The following BLOC1S3 variants were observed in gnomAD, a reference collection of about 807,000 sequenced individuals.
BLOC1S3 encodes biogenesis of lysosomal organelles complex 1 subunit 3.
Under a neutral mutation model 9.1 loss-of-function variants are expected in BLOC1S3, and 7 were observed. The observed-to-expected ratio is 0.77, with a 90% CI of 0.44 to 1.45. BLOC1S3 has a LOEUF of 1.45. BLOC1S3 is among the 40% of genes most tolerant of loss of function. The probability of loss-of-function intolerance (pLI) is 0.01; values close to 1 mark genes in which losing one functional copy is unlikely to be tolerated. For missense variants in BLOC1S3, 307 were observed against 315.2 expected (o/e 0.97, Z 0.20); for synonymous variants, 145 against 158.4 (o/e 0.92, Z 0.64).
At chr19:45,193,318 G>A (rs1477779060) in intron 2 of BLOC1S3, among the ~76,000 whole-genome samples, 1 of 151,786 alleles carries the variant, frequency 6.6e-6, no homozygotes, top group Non-Finnish European at 1.5e-5. Context: ...ATTACTGGAG[G>A]CTTCTATTCA....
intron 2 of BLOC1S3, among the ~76,000 whole-genome samples, chr19:45,195,521 A>G (rs906338644): frequency 6.6e-6 from 1 of 151,832 alleles, no homozygotes; most frequent in Non-Finnish European, 1.5e-5. Flanking sequence ...ATGTATATTT[A>G]ATTTACATGG....
At chr19:45,208,554 A>G (rs1436256168) in intron 3 of BLOC1S3, among the ~76,000 whole-genome samples, 1 of 152,122 alleles carries the variant, frequency 6.6e-6, no homozygotes, top group African/African-American at 2.4e-5. Flanking sequence ...CAGGAGTTCG[A>G]GACCAGCCTG....
intron 3 of BLOC1S3, among the ~76,000 whole-genome samples, chr19:45,204,431 G>A (rs1297395781): frequency 1.3e-5 from 2 of 151,792 alleles, no homozygotes; most frequent in African/African-American, 4.8e-5. Context: ...GACCTCAGGT[G>A]ATCCATGTGC....
chr19:45,199,065 C>T (rs1009861399), intron 2 of BLOC1S3: 3 of 152,008 alleles, frequency 2.0e-5, no homozygotes, highest in Admixed American at 6.6e-5. Flanking sequence ...TTTCTTTATC[C>T]CTGATCTTTG....
At chr19:45,184,899 C>CAAACA (rs1249615724), downstream of BLOC1S3, among the ~76,000 whole-genome samples, 41 of 15,628 alleles carry the variant, frequency 2.6e-3, 1 homozygote, top group African/African-American at 0.013. Flanking sequence ...GACTCTGTCT[C>CAAACA]AAACAAAAAA....
At chr19:45,183,140 C>T (rs2122891800), downstream of BLOC1S3, among the ~76,000 whole-genome samples, 1 of 151,908 alleles carries the variant, frequency 6.6e-6, no homozygotes, top group East Asian at 1.9e-4. Flanking sequence ...CAGGGGGGTG[C>T]TGAGTGCAGT....
At chr19:45,187,746 G>A (rs926022819) in intron 2 of BLOC1S3, 1 of 152,110 alleles carries the variant, frequency 6.6e-6, no homozygotes, top group Non-Finnish European at 1.5e-5. Flanking sequence ...CAAAGGTAAA[G>A]TCCTCACTTG....
At chr19:45,203,489 G>C (rs1226034907) in intron 3 of BLOC1S3, among the ~76,000 whole-genome samples, 3 of 152,052 alleles carry the variant, frequency 2.0e-5, no homozygotes, top group Admixed American at 6.6e-5. Context: ...GGTGAGGCTG[G>C]TCTCGAACTC....
downstream of BLOC1S3, among the ~76,000 whole-genome samples, chr19:45,183,747 C>T (rs181875095): frequency 1.4e-3 from 205 of 151,054 alleles, no homozygotes; most frequent in Middle Eastern, 3.4e-3. Flanking sequence ...CTGCTTCAGC[C>T]TCCTGAGTAG....
At chr19:45,200,221 G>A (rs1055267769) in intron 2 of BLOC1S3, among the ~76,000 whole-genome samples, 2 of 140,190 alleles carry the variant, frequency 1.4e-5, no homozygotes, top group South Asian at 2.2e-4. Flanking sequence ...TCGCTGTGTC[G>A]CCCAGGCTGG....
chr19:45,186,357 C>A (rs1969565727), downstream of BLOC1S3, among the ~76,000 whole-genome samples: 1 of 152,156 alleles, frequency 6.6e-6, no homozygotes, highest in African/African-American at 2.4e-5. Flanking sequence ...GAGATGGGAT[C>A]TCACTACGTT....
rs546645333 is a variant in BLOC1S3, at chr19:45,179,635, G to A, written c.339G>A (p.Leu113=). Residue 113 remains leucine, a synonymous_variant, in exon 2 of 2, where the codon CTG becomes CTA. Coordinates refer to ENST00000433642, the MANE Select transcript of BLOC1S3 (RefSeq NM_212550.5). The surrounding 1 kb of genome is among the most constrained non-coding windows in gnomAD (Gnocchi z 4.6). The part of the protein sequence containing the change: ...APARSLLQLR[L]AESQARLDHD... ...CGCGCTCGCTCCTGCAACTTCGGCT[G>A]GCGGAGAGCCAGGCGCGGCTGGACC... is the stretch of plus-strand genomic sequence containing the variant. The A allele has an allele frequency of 8.8e-3, 13,020 of 1,472,916 alleles. 75 individuals are homozygous for A. Among genetic ancestry groups the A allele is most frequent in the Middle Eastern group, 0.026 (119 of 4,566 alleles). The allele number at this position is 1,472,916 out of a possible 1,614,324, so 91.2% of individuals were successfully genotyped here. A position where few individuals can be genotyped will look rare whatever the true frequency, so the allele number is the denominator to read the frequency against.
intron 2 of BLOC1S3, among the ~76,000 whole-genome samples, chr19:45,197,518 GA>G (rs1297858509): frequency 2.0e-5 from 3 of 150,430 alleles, no homozygotes; most frequent in African/African-American, 4.9e-5. Flanking sequence ...AGAAGAAGAA[GA>G]AAAAGAATAA....
chr19:45,197,569 T>C (rs1212048140), intron 2 of BLOC1S3, among the ~76,000 whole-genome samples: 1 of 151,092 alleles, frequency 6.6e-6, no homozygotes, highest in African/African-American at 2.4e-5. Context: ...GCTCCCCCTG[T>C]GATCCTAGCA....
chr19:45,179,328 T>C lies in BLOC1S3; in HGVS notation c.32T>C (p.Leu11Pro). 2 of 1,585,776 alleles carry C rather than the reference T, an allele frequency of 1.3e-6. No individual in the cohort carries two copies. Among genetic ancestry groups the C allele is most frequent in the Non-Finnish European group, 1.7e-6 (2 of 1,174,606 alleles). ...TCCCAGGGTCGTCGGCGGAGGCCCC[T>C]GCGGAGGCCGGAGACGGTGGTGCCG... MASQGRRRRP[L>P]RRPETVVPGE... The change falls in exon 2 of 2, where the codon CTG becomes CCG. Residue 11 changes from leucine (L) to proline (P), a missense_variant. Physicochemically the swap from Leu to Pro is moderately conservative, Grantham distance 98. Transcript: ENST00000433642. This position sits in a 1 kb window ranked among gnomAD's most constrained non-coding sequence, Gnocchi z 4.6.
At chr19:45,186,610 C>A (rs559631701), downstream of BLOC1S3, among the ~76,000 whole-genome samples, 1 of 152,326 alleles carries the variant, frequency 6.6e-6, no homozygotes, top group South Asian at 2.1e-4. Context: ...GAGGCTGAGG[C>A]AGAATGATCA....
rs4012970 is a variant in BLOC1S3 at position 45,200,182 on chromosome 19, AT to A, written n.181-2207del. On this transcript the variant is annotated intron_variant and non_coding_transcript_variant, in intron 2 of 3. Transcript: ENST00000591569. ...GTGTCAGTTGAATTTTTTCTACTTA[AT>A]TTTTTTTTTTTTTTTTGAGACGGAG... Among the ~76,000 whole-genome samples the A allele has an allele frequency of 4.7e-3, 633 of 135,182 alleles. 1 individual carries two copies. Among genetic ancestry groups the A allele is most frequent in the African/African-American group, 8.4e-3 (305 of 36,292 alleles). The allele number at this position is 135,182 out of a possible 152,430, so 88.7% of individuals were successfully genotyped here.
intron 3 of BLOC1S3, chr19:45,213,070 C>T: frequency 1.3e-6 from 2 of 1,486,212 alleles, no homozygotes; most frequent in South Asian, 1.4e-5. Context: ...GGGTGACCCT[C>T]AGCGCTGGGC....
intron 2 of BLOC1S3, among the ~76,000 whole-genome samples, chr19:45,191,420 C>A (rs113950480): frequency 2.0e-5 from 3 of 152,122 alleles, no homozygotes; most frequent in African/African-American, 7.2e-5. Flanking sequence ...TGTGCCCGGC[C>A]GGCTTTATTT....
Sources: gnomAD v4.1 joint callset for allele counts (sites outside exome capture counted in the v4.1 genomes callset) on GRCh38, gnomAD v4.1.1 for gene constraint, Gnocchi (gnomAD v3.1) non-coding constraint, MANE v1.5 for transcripts, NCBI Gene and HGNC (gene_info 2026-07-23, HGNC 2026-07-21) for gene names.